GNAQ: variants seen among roughly 807,000 people sequenced by gnomAD.
The protein encoded by GNAQ is guanine nucleotide-binding protein G(q) subunit alpha.
A neutral mutation model predicts 43.9 loss-of-function variants in GNAQ; 8 were observed. The observed-to-expected ratio is 0.18, with a 90% confidence interval of 0.11 to 0.33. The LOEUF is 0.33. Ranked by LOEUF, GNAQ falls within the 10% of genes least tolerant of loss-of-function variation. The pLI is 1.00. For synonymous variants in GNAQ, 155 were observed against 170.7 expected (o/e 0.91, Z 0.71); for missense variants, 158 against 450.8 (o/e 0.35, Z 5.88).
chr9:77,830,457 T>C (rs1239231389), intron 2 of GNAQ, among the ~76,000 whole-genome samples: 3 of 152,196 alleles, frequency 2.0e-5, no homozygotes, highest in African/African-American at 7.2e-5. Context: ...GATGTCCCTG[T>C]GTGGTGACCA....
intron 5 of GNAQ, among the ~76,000 whole-genome samples, chr9:77,746,882 C>T (rs983451487): frequency 6.6e-6 from 1 of 152,092 alleles, no homozygotes; most frequent in Non-Finnish European, 1.5e-5. Context: ...GGGCAGTCCC[C>T]CTGGCTATCA....
intron 2 of GNAQ, among the ~76,000 whole-genome samples, chr9:77,840,504 C>A (rs1236701307): frequency 6.6e-6 from 1 of 151,734 alleles, no homozygotes; most frequent in African/African-American, 2.4e-5. Context: ...ACCTGGCTAA[C>A]TTTTGTATTT....
intron 2 of GNAQ, among the ~76,000 whole-genome samples, chr9:77,869,487 CT>C (rs1828001791): frequency 6.6e-6 from 1 of 152,048 alleles, no homozygotes; most frequent in African/African-American, 2.4e-5. Flanking sequence ...TGAATTATTC[CT>C]TCTTGGGATA....
chr9:77,815,522 T>C (rs1826998292), intron 3 of GNAQ, 94 bp downstream of exon 3: 2 of 752,620 alleles, frequency 2.7e-6, no homozygotes, highest in East Asian at 5.2e-5. Context: ...ATATATGACA[T>C]ATACAGGACA....
chr9:77,839,088 T>C (rs1265844728), intron 2 of GNAQ, among the ~76,000 whole-genome samples: 1 of 152,192 alleles, frequency 6.6e-6, no homozygotes, highest in Non-Finnish European at 1.5e-5. Flanking sequence ...ATGCCTCCAG[T>C]AGAACCCTTC....
intron 3 of GNAQ, among the ~76,000 whole-genome samples, chr9:77,803,166 C>T (rs1369422771): frequency 1.3e-5 from 2 of 152,118 alleles, no homozygotes; most frequent in African/African-American, 4.8e-5. Context: ...AGGTTGTTAG[C>T]TATCCATCCT....
chr9:77,930,823 C>G (rs575034455), intron 1 of GNAQ, among the ~76,000 whole-genome samples: 51 of 152,096 alleles, frequency 3.4e-4, no homozygotes, highest in Admixed American at 7.9e-4. Context: ...AAGCAGCAGT[C>G]CCAACCCCCA....
At chr9:77,729,171 T>C (rs1286873132) in intron 5 of GNAQ, among the ~76,000 whole-genome samples, 2 of 152,222 alleles carry the variant, frequency 1.3e-5, no homozygotes, top group Non-Finnish European at 2.9e-5. Context: ...TCTAGAGTTA[T>C]TACTCTACAC....
intron 1 of GNAQ, among the ~76,000 whole-genome samples, chr9:77,935,209 A>T (rs1413255992): frequency 2.6e-5 from 4 of 152,242 alleles, no homozygotes; most frequent in African/African-American, 9.6e-5. Flanking sequence ...CACATGTACA[A>T]GCAAGCCAAA....
intron 2 of GNAQ, among the ~76,000 whole-genome samples, chr9:77,920,516 C>T (rs895875750): frequency 6.6e-6 from 1 of 152,076 alleles, no homozygotes; most frequent in Non-Finnish European, 1.5e-5. Context: ...AAACAACAAA[C>T]AAACTCAACA....
At chr9:77,896,366 T>C (rs898807070) in intron 2 of GNAQ, among the ~76,000 whole-genome samples, 1 of 152,204 alleles carries the variant, frequency 6.6e-6, no homozygotes, top group African/African-American at 2.4e-5. Flanking sequence ...CTTTCAAAAA[T>C]CACCAAGATT....
intron 1 of GNAQ, among the ~76,000 whole-genome samples, chr9:77,984,935 C>G (rs572162876): frequency 6.6e-6 from 1 of 152,220 alleles, no homozygotes; most frequent in East Asian, 1.9e-4. Flanking sequence ...AATGGACTAC[C>G]ATTTGAGGAT....
chr9:77,777,818 A>C (rs188825657), intron 5 of GNAQ, among the ~76,000 whole-genome samples: 7 of 152,118 alleles, frequency 4.6e-5, no homozygotes, highest in Non-Finnish European at 7.4e-5. Context: ...AAACAATAAC[A>C]AGTGTTGGCT....
chr9:77,990,579 C>T (rs1587449189), intron 1 of GNAQ, among the ~76,000 whole-genome samples: 1 of 152,138 alleles, frequency 6.6e-6, no homozygotes, highest in South Asian at 2.1e-4. Flanking sequence ...CACACTTTAC[C>T]CTCCATTAGT....
intron 1 of GNAQ, among the ~76,000 whole-genome samples, chr9:77,973,026 AAAAC>A (rs1311594555): frequency 6.6e-6 from 1 of 151,914 alleles, no homozygotes; most frequent in Non-Finnish European, 1.5e-5. Flanking sequence ...AAAAAAAAAA[AAAAC>A]AAGACATACC....
chr9:77,761,459 G>GC (rs1219041672), intron 5 of GNAQ, among the ~76,000 whole-genome samples: 3 of 133,892 alleles, frequency 2.2e-5, no homozygotes, highest in Non-Finnish European at 4.8e-5. Context: ...TGGGGGGTCA[G>GC]CCCCCCGCCT....
chr9:77,725,553 A>G (rs79172919), intron 6 of GNAQ, among the ~76,000 whole-genome samples: 2,644 of 135,488 alleles, frequency 0.02, 42 homozygotes, highest in Non-Finnish European at 0.029. Flanking sequence ...TCTGTGCATT[A>G]TATGTATACT....
At chr9:77,938,281 C>A (rs1377288286) in intron 1 of GNAQ, among the ~76,000 whole-genome samples, 2 of 152,118 alleles carry the variant, frequency 1.3e-5, no homozygotes, top group Non-Finnish European at 2.9e-5. Flanking sequence ...TTCAGAAGAT[C>A]AACTATATAT....
chr9:77,852,262 T>C lies in GNAQ; in HGVS notation c.322-36492A>G, dbSNP rs568270505. ...ATACAGAGAATAAAACTCTCCATTC[T>C]GCCTCATCCTCATTTTAATAAATTC... is the stretch of plus-strand genomic sequence containing the variant. On this transcript the variant is annotated intron_variant, in intron 2 of 6. Transcript: ENST00000286548. Among the ~76,000 whole-genome samples the C allele has an allele frequency of 3.8e-4, 58 of 152,330 alleles. No individual in the cohort carries two copies. In the South Asian group the frequency reaches 8.5e-3, roughly 22 times the overall value.
Sources: allele counts gnomAD v4.1 joint callset (sites outside exome capture counted in the v4.1 genomes callset), GRCh38; gene constraint gnomAD v4.1.1; transcripts MANE v1.5; gene names NCBI Gene and HGNC (gene_info 2026-07-23, HGNC 2026-07-21).